The following DLGAP1 variants were observed in gnomAD, a reference collection of about 807,000 sequenced individuals.
DLGAP1 encodes disks large-associated protein 1.
Under a neutral mutation model 90.8 loss-of-function variants are expected in DLGAP1, and 11 were observed. That is an observed-to-expected ratio of 0.12 (90% CI 0.08 to 0.20). The LOEUF (loss-of-function observed/expected upper bound fraction) is 0.20, where lower values mean the gene tolerates loss of function less well. Ranked by LOEUF, DLGAP1 falls within the 10% of genes least tolerant of loss-of-function variation. The probability of loss-of-function intolerance (pLI) is 1.00; values close to 1 mark genes in which losing one functional copy is unlikely to be tolerated. For missense variants in DLGAP1, 1,050 were observed against 1,333.8 expected, an observed-to-expected ratio of 0.79 and a Z score of 3.31; for synonymous variants, 558 against 540.7, an observed-to-expected ratio of 1.03 and a Z score of -0.44.
intron 7 of DLGAP1, among the ~76,000 whole-genome samples, chr18:3,586,709 T>G (rs1599381580): frequency 6.6e-6 from 1 of 152,202 alleles, no homozygotes; most frequent in East Asian, 1.9e-4. Flanking sequence ...TTCCAATTCT[T>G]CTGCACTCCA....
At chr18:3,806,527 A>G (rs2066569208) in intron 5 of DLGAP1, among the ~76,000 whole-genome samples, 1 of 152,232 alleles carries the variant, frequency 6.6e-6, no homozygotes. Flanking sequence ...TAAAGGTACC[A>G]AATGTTTGTT....
At chr18:4,193,037 A>C (rs984930676) in intron 1 of DLGAP1, among the ~76,000 whole-genome samples, 6 of 152,212 alleles carry the variant, frequency 3.9e-5, no homozygotes, top group African/African-American at 1.4e-4. Flanking sequence ...CATTCACTTT[A>C]AGTTTCTAAT....
intron 1 of DLGAP1, among the ~76,000 whole-genome samples, chr18:4,387,965 A>G (rs1346054261): frequency 6.8e-6 from 1 of 147,436 alleles, no homozygotes; most frequent in Non-Finnish European, 1.5e-5. Flanking sequence ...ACACACACAC[A>G]CACACACACT....
chr18:4,256,445 G>A (rs768974880), intron 1 of DLGAP1, among the ~76,000 whole-genome samples: 6 of 151,974 alleles, frequency 3.9e-5, no homozygotes, highest in Admixed American at 2.0e-4. Context: ...TCATACCTCC[G>A]TATATAAGTT....
intron 1 of DLGAP1, among the ~76,000 whole-genome samples, chr18:4,451,658 GA>G (rs2083835327): frequency 6.6e-6 from 1 of 152,004 alleles, no homozygotes; most frequent in African/African-American, 2.4e-5. Flanking sequence ...AAAAAAGAAA[GA>G]AAAAACATCT....
In DLGAP1 at chr18:3,703,207, G is replaced by A. The variant is rs1020297047; in HGVS notation, c.1591+25928C>T. Among the ~76,000 whole-genome samples, 7 of 152,274 alleles carry A rather than the reference G, an allele frequency of 4.6e-5. No homozygotes were observed. In the East Asian group the frequency reaches 5.8e-4, roughly 13 times the overall value. On this transcript the variant is annotated intron_variant, in intron 7 of 12. Coordinates refer to ENST00000315677, the MANE Select transcript of DLGAP1 (RefSeq NM_004746.4). ...GTCAAGATTGTGTCTCAGGATCACC[G>A]GATATAGCTGGTCCTTGGGATGGAA...
intron 3 of DLGAP1, among the ~76,000 whole-genome samples, chr18:3,932,814 G>C (rs944016183): frequency 1.3e-5 from 2 of 151,924 alleles, no homozygotes; most frequent in African/African-American, 4.8e-5. Context: ...CAAGTCATTA[G>C]AAAAAAAATT....
At chr18:4,441,470 T>G (rs923742100) in intron 1 of DLGAP1, among the ~76,000 whole-genome samples, 1 of 152,192 alleles carries the variant, frequency 6.6e-6, no homozygotes, top group African/African-American at 2.4e-5. Context: ...AAGAACTCAT[T>G]GAAGTAGGCA....
At chr18:3,540,469 CAAAAAA>C (rs60740209) in intron 9 of DLGAP1, among the ~76,000 whole-genome samples, 65 of 58,016 alleles carry the variant, frequency 1.1e-3, no homozygotes, top group African/African-American at 3.4e-3. Flanking sequence ...GGCCCTGTGT[CAAAAAA>C]AAAAAAAAAA....
Position 4,387,923 on chromosome 18 carries a change from T to TCACACACA in DLGAP1, c.-267+67082_-267+67083insTGTGTGTG, listed in dbSNP as rs869144582. 6.9e-3 allele frequency among the ~76,000 whole-genome samples: 231 copies of TCACACACA among 33,678 alleles called. 3 individuals carry two copies. The highest frequency in any genetic ancestry group is 0.013 in the African/African-American group (216 of 16,958). 22.1% of individuals were successfully genotyped at this position (33,678 alleles called of 152,430 possible). A position where few individuals can be genotyped will look rare whatever the true frequency, so the allele number is the denominator to read the frequency against. Reference sequence around the variant, plus strand: ...TCCAGCCTGGGTGACAGAGACTCCATCACACATACACACACACACACACAC... The same window carrying TCACACACA: ...TCCAGCCTGGGTGACAGAGACTCCATCACACACACACACATACACACACACACACACAC... On this transcript the variant is annotated intron_variant, in intron 1 of 12. Transcript: ENST00000315677.
Position 3,565,976 on chromosome 18 carries a change from G to A in DLGAP1, c.2057+1514C>T, listed in dbSNP as rs976922884. 2.6e-5 allele frequency among the ~76,000 whole-genome samples: 4 copies of A among 152,092 alleles called. No individual in the cohort carries two copies. In the South Asian group the frequency reaches 6.2e-4, roughly 24 times the overall value. ...TTGTCCATCTGCATGAACACTATGC[G>A]TGGATATTATATATTAAAGTTTTTC... is the stretch of plus-strand genomic sequence containing the variant. On this transcript the variant is annotated intron_variant, in intron 9 of 12. Transcript: ENST00000315677. The surrounding 1 kb of genome is among the most constrained non-coding windows in gnomAD (Gnocchi z 4.0).
chr18:3,935,301 C>T (rs1377931528), intron 3 of DLGAP1, among the ~76,000 whole-genome samples: 2 of 152,122 alleles, frequency 1.3e-5, no homozygotes, highest in African/African-American at 2.4e-5. Context: ...AAACACTCTA[C>T]GATTAGCTCA....
chr18:4,443,107 A>T (rs760276760), intron 1 of DLGAP1, among the ~76,000 whole-genome samples: 1 of 152,256 alleles, frequency 6.6e-6, no homozygotes, highest in Non-Finnish European at 1.5e-5. Flanking sequence ...ATTTCTGTCT[A>T]TAACTCCTAA....
intron 2 of DLGAP1, among the ~76,000 whole-genome samples, chr18:4,017,729 G>C (rs111623186): frequency 2.0e-5 from 3 of 152,334 alleles, no homozygotes; most frequent in African/African-American, 7.2e-5. Context: ...GAGACAAGAG[G>C]AAGTAGTTCA....
intron 1 of DLGAP1, among the ~76,000 whole-genome samples, chr18:4,219,991 G>C (rs1376421435): frequency 2.6e-5 from 4 of 151,976 alleles, no homozygotes; most frequent in African/African-American, 9.7e-5. Context: ...ATAAATTTTA[G>C]GACTGTTTTT....
At chr18:3,555,563 C>G (rs140118174) in intron 9 of DLGAP1, among the ~76,000 whole-genome samples, 2,315 of 152,268 alleles carry the variant, frequency 0.015, 57 homozygotes, top group African/African-American at 0.053. Flanking sequence ...GTAATCCCAG[C>G]ACTTTGGGAG....
intron 1 of DLGAP1, among the ~76,000 whole-genome samples, chr18:4,305,516 A>G (rs1178855036): frequency 6.7e-6 from 1 of 150,220 alleles, no homozygotes; most frequent in East Asian, 1.9e-4. Flanking sequence ...CCTGGGAAAC[A>G]ACAGCAAAAC....
intron 1 of DLGAP1, among the ~76,000 whole-genome samples, chr18:4,259,476 T>C (rs1333221444): frequency 6.6e-6 from 1 of 152,244 alleles, no homozygotes; most frequent in East Asian, 1.9e-4. Context: ...ACTTTCCTCC[T>C]GGCAAATGGT....
intron 4 of DLGAP1, among the ~76,000 whole-genome samples, chr18:3,820,150 T>A (rs950757068): frequency 1.3e-5 from 2 of 152,124 alleles, no homozygotes; most frequent in Admixed American, 1.3e-4. Context: ...TATCTCAGGA[T>A]GGGAAGTTGC....
Sources: allele counts gnomAD v4.1 joint callset (sites outside exome capture counted in the v4.1 genomes callset), GRCh38; gene constraint gnomAD v4.1.1; non-coding constraint Gnocchi (gnomAD v3.1); transcripts MANE v1.5; gene names NCBI Gene and HGNC (gene_info 2026-07-23, HGNC 2026-07-21).